COL23A1: variants seen among roughly 807,000 people sequenced by gnomAD.
COL23A1 encodes collagen alpha-1(XXIII) chain.
A neutral mutation model predicts 99.3 loss-of-function variants in COL23A1; 97 were observed. That is an observed-to-expected ratio of 0.98 (90% CI 0.83 to 1.16). The LOEUF (loss-of-function observed/expected upper bound fraction) is 1.16, where lower values mean the gene tolerates loss of function less well. Ranked by LOEUF, COL23A1 falls within the 50% of genes most tolerant of loss-of-function variation. The pLI, the probability that COL23A1 is intolerant of heterozygous loss-of-function variation, is 0.00. For missense variants in COL23A1, 762 were observed against 757.4 expected, an observed-to-expected ratio of 1.01 and a Z score of -0.07; for synonymous variants, 320 against 308.2, an observed-to-expected ratio of 1.04 and a Z score of -0.40.
chr5:178,284,088 C>T (rs539981080), intron 5 of COL23A1, among the ~76,000 whole-genome samples: 34 of 152,310 alleles, frequency 2.2e-4, no homozygotes, highest in African/African-American at 7.9e-4. Context: ...GCAAGAGTGC[C>T]GTGCCTAGGG....
chr5:178,326,930 G>A (rs990708305), intron 2 of COL23A1, among the ~76,000 whole-genome samples: 2 of 152,216 alleles, frequency 1.3e-5, no homozygotes, highest in Non-Finnish European at 2.9e-5. Context: ...ATGCTGGTCA[G>A]GCTGGTCTCG....
At chr5:178,329,721 G>A (rs1249576282) in intron 2 of COL23A1, among the ~76,000 whole-genome samples, 1 of 152,188 alleles carries the variant, frequency 6.6e-6, no homozygotes, top group Non-Finnish European at 1.5e-5. Flanking sequence ...GGCGGATCAT[G>A]AGGTCAGGAG....
At chr5:178,577,666 A>G (rs1275672392) in intron 1 of COL23A1, among the ~76,000 whole-genome samples, 1 of 152,134 alleles carries the variant, frequency 6.6e-6, no homozygotes, top group Non-Finnish European at 1.5e-5. Flanking sequence ...GCGAGTGTCA[A>G]GGGGGCTCCT....
chr5:178,494,879 T>G (rs1457236917), intron 2 of COL23A1, among the ~76,000 whole-genome samples: 1 of 151,996 alleles, frequency 6.6e-6, no homozygotes, highest in Non-Finnish European at 1.5e-5. Context: ...ACAATGACAT[T>G]TTCCCACCTG....
intron 2 of COL23A1, among the ~76,000 whole-genome samples, chr5:178,346,894 G>T (rs1347173350): frequency 6.6e-6 from 1 of 152,184 alleles, no homozygotes; most frequent in Non-Finnish European, 1.5e-5. Flanking sequence ...AAATCCCAGC[G>T]ACCCAGCCTT....
intron 2 of COL23A1, among the ~76,000 whole-genome samples, chr5:178,337,155 T>C (rs2913796): frequency 1 from 151,737 of 152,338 alleles, 75,572 homozygotes; most frequent in Middle Eastern, 1. Context: ...CACGACACAT[T>C]GCGCCAGGCC....
At chr5:178,394,802 C>A (rs1220953500) in intron 2 of COL23A1, among the ~76,000 whole-genome samples, 3 of 152,310 alleles carry the variant, frequency 2.0e-5, no homozygotes, top group East Asian at 3.9e-4. Context: ...GGGTCTCGGG[C>A]AAGGGCTGAG....
chr5:178,303,517 G>A (rs983293311), intron 3 of COL23A1, among the ~76,000 whole-genome samples: 8 of 152,128 alleles, frequency 5.3e-5, no homozygotes, highest in African/African-American at 1.9e-4. Flanking sequence ...TCCTCATTCC[G>A]CCATTCCAGA....
At chr5:178,242,879 G>A (rs1194120333) in intron 25 of COL23A1, among the ~76,000 whole-genome samples, 1 of 152,172 alleles carries the variant, frequency 6.6e-6, no homozygotes, top group African/African-American at 2.4e-5. Context: ...CCGGGCTGTT[G>A]GCTGGACACT....
intron 2 of COL23A1, among the ~76,000 whole-genome samples, chr5:178,546,409 G>A (rs1262974600): frequency 1.3e-5 from 2 of 152,166 alleles, no homozygotes; most frequent in Non-Finnish European, 2.9e-5. Context: ...GCAACCACAG[G>A]ATGCTAACTT....
intron 2 of COL23A1, among the ~76,000 whole-genome samples, chr5:178,538,006 C>T (rs1006790178): frequency 1.3e-5 from 2 of 152,218 alleles, no homozygotes; most frequent in Non-Finnish European, 2.9e-5. Context: ...CTGGCTTAGT[C>T]GAATTCATCC....
At chr5:178,490,085 A>G (rs1757846508) in intron 2 of COL23A1, among the ~76,000 whole-genome samples, 1 of 151,746 alleles carries the variant, frequency 6.6e-6, no homozygotes, top group Non-Finnish European at 1.5e-5. Context: ...AATACAAAAA[A>G]GTTAGCTGGG....
intron 2 of COL23A1, among the ~76,000 whole-genome samples, chr5:178,466,497 A>G (rs921472649): frequency 6.6e-6 from 1 of 152,102 alleles, no homozygotes; most frequent in African/African-American, 2.4e-5. Flanking sequence ...AGGTCTGCGC[A>G]TCCCTGGCCT....
intron 5 of COL23A1, among the ~76,000 whole-genome samples, chr5:178,273,283 G>C (rs1386984376): frequency 6.6e-6 from 1 of 152,202 alleles, no homozygotes; most frequent in African/African-American, 2.4e-5. Context: ...CCACCGACTG[G>C]ACCTTATTAT....
chr5:178,484,020 C>A (rs992763045), intron 2 of COL23A1, among the ~76,000 whole-genome samples: 1 of 152,130 alleles, frequency 6.6e-6, no homozygotes, highest in Non-Finnish European at 1.5e-5. Flanking sequence ...TCTCTGCAAC[C>A]TCCCAGGTTC....
At chr5:178,261,885 T>C (rs1012715303) in intron 10 of COL23A1, 137 bp from the exon 11 acceptor site, 12 of 762,586 alleles carry the variant, frequency 1.6e-5, no homozygotes, top group Non-Finnish European at 2.7e-5. Context: ...AGAAGCAGGC[T>C]GGAGCTGCCC....
intron 2 of COL23A1, among the ~76,000 whole-genome samples, chr5:178,361,823 G>A (rs552357384): frequency 4.6e-5 from 7 of 152,282 alleles, no homozygotes; most frequent in South Asian, 4.1e-4. Context: ...TCCTGCTGCA[G>A]ATGAGCTAAG....
intron 2 of COL23A1, among the ~76,000 whole-genome samples, chr5:178,483,561 T>G (rs563448322): frequency 2.0e-5 from 3 of 152,342 alleles, no homozygotes; most frequent in African/African-American, 7.2e-5. Flanking sequence ...TCTTTAAAAA[T>G]TATTACAGTT....
intron 2 of COL23A1, among the ~76,000 whole-genome samples, chr5:178,389,767 C>T (rs1292360005): frequency 6.6e-6 from 1 of 152,174 alleles, no homozygotes; most frequent in African/African-American, 2.4e-5. Context: ...CATGGCTTCT[C>T]CCTGTGGCCT....
Sources: allele counts gnomAD v4.1 joint callset (sites outside exome capture counted in the v4.1 genomes callset), GRCh38; gene constraint gnomAD v4.1.1; transcripts MANE v1.5; gene names NCBI Gene and HGNC (gene_info 2026-07-23, HGNC 2026-07-21).